Variants in RABGAP1L observed in about 807,000 individuals in gnomAD.
RABGAP1L encodes the protein RAB GTPase activating protein 1 like.
A neutral mutation model predicts 137.7 loss-of-function variants in RABGAP1L; 63 were observed. That is an observed-to-expected ratio of 0.46 (90% CI 0.37 to 0.56). The LOEUF (loss-of-function observed/expected upper bound fraction) is 0.56. Ranked by LOEUF, RABGAP1L falls within the 20% of genes least tolerant of loss-of-function variation. RABGAP1L has a pLI of 0.00. For synonymous variants in RABGAP1L, 431 were observed against 433.7 expected, an observed-to-expected ratio of 0.99 and a Z score of 0.08; for missense variants, 1,095 against 1,244.0, an observed-to-expected ratio of 0.88 and a Z score of 1.80.
intron 13 of RABGAP1L, among the ~76,000 whole-genome samples, chr1:174,603,318 G>A (rs537749496): frequency 1.3e-5 from 2 of 152,186 alleles, no homozygotes; most frequent in African/African-American, 2.4e-5. Flanking sequence ...CAGAGTCTCC[G>A]TCTCCATCCT....
chr1:174,616,935 A>G (rs1671942451), intron 13 of RABGAP1L, among the ~76,000 whole-genome samples: 1 of 152,226 alleles, frequency 6.6e-6, no homozygotes, highest in Non-Finnish European at 1.5e-5. Context: ...TACTTTAATA[A>G]AGATCCAGGA....
intron 13 of RABGAP1L, among the ~76,000 whole-genome samples, chr1:174,509,200 A>T (rs942400149): frequency 6.6e-6 from 1 of 152,194 alleles, no homozygotes. Context: ...CGTACATTCA[A>T]ATAAAATCTG....
At position 174,654,676 on chromosome 1, in the gene RABGAP1L, TA is replaced by T. The variant is rs34216059; in HGVS notation, c.1824+17195del. Among the ~76,000 whole-genome samples, 64 of 152,276 alleles carry T rather than the reference TA, an allele frequency of 4.2e-4. 1 individual carries two copies. In the South Asian group the frequency reaches 5.4e-3, roughly 13 times the overall value. On this transcript the variant is annotated intron_variant, in intron 14 of 25. Coordinates refer to ENST00000681986, the MANE Select transcript of RABGAP1L (RefSeq NM_001366446.1). ...TAGTTGTTTTACATTTCTGTGTCTT[TA>T]AAAAAAGTATGTGAATTCACTTTTA...
At chr1:174,280,047 T>TGGAGGG (rs202247350) in intron 10 of RABGAP1L, among the ~76,000 whole-genome samples, 1 of 87,180 alleles carries the variant, frequency 1.1e-5, no homozygotes, top group Non-Finnish European at 2.3e-5. Context: ...TCTGTCTGCC[T>TGGAGGG]GGAGAGAGAG....
chr1:174,949,445 A>G (rs1005109958), intron 19 of RABGAP1L, among the ~76,000 whole-genome samples: 1 of 152,220 alleles, frequency 6.6e-6, no homozygotes, highest in Non-Finnish European at 1.5e-5. Context: ...ACAGTATAGA[A>G]TCTAGTGATG....
At chr1:174,332,770 T>C (rs1242947702) in intron 11 of RABGAP1L, among the ~76,000 whole-genome samples, 1 of 151,832 alleles carries the variant, frequency 6.6e-6, no homozygotes, top group African/African-American at 2.4e-5. Context: ...AGTGTGGAGG[T>C]TCCCCAGAAA....
chr1:174,473,325 G>T (rs763548394), intron 13 of RABGAP1L, among the ~76,000 whole-genome samples: 4 of 152,236 alleles, frequency 2.6e-5, no homozygotes, highest in Non-Finnish European at 2.9e-5. Flanking sequence ...TCATGTGTCA[G>T]GTGCACAATC....
chr1:174,417,931 C>G (rs997875663), intron 13 of RABGAP1L, among the ~76,000 whole-genome samples: 2 of 152,148 alleles, frequency 1.3e-5, no homozygotes, highest in African/African-American at 4.8e-5. Flanking sequence ...ATGTTTTCCA[C>G]TGAACATTAC....
chr1:174,283,057 G>A (rs1244447981), intron 10 of RABGAP1L, among the ~76,000 whole-genome samples: 2 of 152,066 alleles, frequency 1.3e-5, no homozygotes, highest in Non-Finnish European at 2.9e-5. Context: ...TTTGTTGCGA[G>A]TTCTTTGCAT....
At chr1:174,357,836 A>G (rs1683771245) in intron 11 of RABGAP1L, among the ~76,000 whole-genome samples, 1 of 152,218 alleles carries the variant, frequency 6.6e-6, no homozygotes, top group African/African-American at 2.4e-5. Context: ...TAGGCATTCA[A>G]GTTTGTTAAA....
intron 13 of RABGAP1L, among the ~76,000 whole-genome samples, chr1:174,543,587 C>T (rs1665694870): frequency 6.6e-6 from 1 of 152,142 alleles, no homozygotes. Flanking sequence ...ACATTTAGCC[C>T]ATTTACATTT....
chr1:174,653,078 A>C (rs1675670853), intron 14 of RABGAP1L, among the ~76,000 whole-genome samples: 1 of 152,180 alleles, frequency 6.6e-6, no homozygotes, highest in Admixed American at 6.5e-5. Context: ...CGAACTTCCC[A>C]GAGGCTTTGT....
intron 19 of RABGAP1L, among the ~76,000 whole-genome samples, chr1:174,839,055 GT>G (rs3085678): frequency 2.0e-5 from 3 of 147,260 alleles, no homozygotes; most frequent in African/African-American, 7.7e-5. Context: ...GTGTGTGTGT[GT>G]TGGTAGGGGT....
At chr1:174,306,321 A>G (rs554642844) in intron 11 of RABGAP1L, among the ~76,000 whole-genome samples, 1 of 152,292 alleles carries the variant, frequency 6.6e-6, no homozygotes, top group Non-Finnish European at 1.5e-5. Flanking sequence ...CTAGTTCTAG[A>G]TCCTTGAGGA....
chr1:174,636,181 A>G (rs56074722), intron 13 of RABGAP1L, among the ~76,000 whole-genome samples: 6 of 152,158 alleles, frequency 3.9e-5, no homozygotes, highest in African/African-American at 1.4e-4. Flanking sequence ...AATTTCACTC[A>G]ATTTGGGGTT....
rs71117585 is a variant in RABGAP1L, at chr1:174,863,233, C to CAA, written c.2340+51287_2340+51288dup. On this transcript the variant is annotated intron_variant, in intron 19 of 25. Coordinates refer to ENST00000681986, the MANE Select transcript of RABGAP1L (RefSeq NM_001366446.1). Reference sequence around the variant, plus strand: ...TAATTTGTACATGAGTTGTTTGTAGCAAAAAAAAAAAAAAAGAAAAACAGT... The same window carrying CAA: ...TAATTTGTACATGAGTTGTTTGTAGCAAAAAAAAAAAAAAAAAGAAAAACAGT... 5.4e-4 allele frequency among the ~76,000 whole-genome samples: 45 copies of CAA among 82,648 alleles called. 3 individuals are homozygous for CAA. Among genetic ancestry groups the CAA allele is most frequent in the South Asian group, 2.0e-3 (4 of 1,974 alleles). 54.2% of individuals were successfully genotyped at this position (82,648 alleles called of 152,430 possible).
chr1:174,699,730 A>G, intron 16 of RABGAP1L, 80 bp downstream of exon 16: 1 of 1,347,554 alleles, frequency 7.4e-7, no homozygotes, highest in Admixed American at 2.2e-5. Flanking sequence ...GTAAGCAATA[A>G]TGAATTATAG....
At position 174,992,150 on chromosome 1, in the gene RABGAP1L, C is replaced by G. The variant is rs1400737667; in HGVS notation, c.*2149C>G. 1 of 152,126 alleles carries G rather than the reference C, an allele frequency of 6.6e-6. No individual in the cohort carries two copies. Among genetic ancestry groups the G allele is most frequent in the East Asian group, 1.9e-4 (1 of 5,194 alleles). The allele number at this position is 152,126 out of a possible 1,614,324, so 9.4% of individuals were successfully genotyped here. On this transcript the variant is annotated 3_prime_UTR_variant, in exon 26 of 26. Transcript: ENST00000681986. ...CTTTTAAAGAGGAGAAGAGAAAAAT[C>G]CCCCCTGGCCAGGCATGGTGGCTCA...
At chr1:174,486,641 C>T (rs569014720) in intron 13 of RABGAP1L, among the ~76,000 whole-genome samples, 4 of 151,974 alleles carry the variant, frequency 2.6e-5, no homozygotes, top group South Asian at 4.2e-4. Context: ...CTACCGCGCC[C>T]GGCCTCTGCT....
Sources: gnomAD v4.1 joint callset for allele counts (sites outside exome capture counted in the v4.1 genomes callset) on GRCh38, gnomAD v4.1.1 for gene constraint, MANE v1.5 for transcripts, NCBI Gene and HGNC (gene_info 2026-07-23, HGNC 2026-07-21) for gene names.